Variants in CCDC171 observed in about 807,000 individuals in gnomAD.
The protein encoded by CCDC171 is coiled-coil domain-containing protein 171.
Under a neutral mutation model 168.2 loss-of-function variants are expected in CCDC171, and 177 were observed. That is an observed-to-expected ratio of 1.05 (90% CI 0.93 to 1.19). The LOEUF is 1.19. Ranked by LOEUF, CCDC171 falls within the 50% of genes most tolerant of loss-of-function variation. The pLI, the probability that CCDC171 is intolerant of heterozygous loss-of-function variation, is 0.00. For synonymous variants in CCDC171, 687 were observed against 540.8 expected (o/e 1.27, Z -3.75); for missense variants, 1,991 against 1,539.0 (o/e 1.29, Z -4.91).
chr9:15,727,302 G>C (rs1418020870), intron 14 of CCDC171, among the ~76,000 whole-genome samples: 1 of 152,154 alleles, frequency 6.6e-6, no homozygotes, highest in Non-Finnish European at 1.5e-5. Flanking sequence ...GCTTGGGATA[G>C]ATTTCCTATA....
At chr9:15,940,178 A>T (rs1275579975) in intron 25 of CCDC171, among the ~76,000 whole-genome samples, 1 of 151,922 alleles carries the variant, frequency 6.6e-6, no homozygotes, top group African/African-American at 2.4e-5. Flanking sequence ...GAAATAATGA[A>T]ATATATGTAA....
chr9:15,574,141 CTT>C (rs1433312929), intron 3 of CCDC171, among the ~76,000 whole-genome samples: 1 of 150,280 alleles, frequency 6.7e-6, no homozygotes, highest in Non-Finnish European at 1.5e-5. Flanking sequence ...TTTTCTTTCT[CTT>C]TTTCTTTTTT....
At chr9:15,797,343 A>G (rs374211436) in intron 21 of CCDC171, among the ~76,000 whole-genome samples, 2 of 152,180 alleles carry the variant, frequency 1.3e-5, no homozygotes, top group East Asian at 3.9e-4. Flanking sequence ...CAGCCTCTCA[A>G]GTAGCTAGGA....
In CCDC171 at chr9:15,891,929, C is replaced by T. The variant is rs758651318; in HGVS notation, c.3600+17266C>T. Among the ~76,000 whole-genome samples, 49 of 152,194 alleles carry T rather than the reference C, an allele frequency of 3.2e-4. No individual in the cohort carries two copies. The Middle Eastern group carries it at 0.014, about 42-fold the overall frequency. ...GCATGTATGCTGGGAGCCTATGGGA[C>T]GCATGAGGATGGGAAAGGGCCTGAA... On this transcript the variant is annotated intron_variant, in intron 24 of 25. Coordinates refer to ENST00000380701, the MANE Select transcript of CCDC171 (RefSeq NM_173550.4).
chr9:15,908,578 C>T (rs534614468), intron 24 of CCDC171, among the ~76,000 whole-genome samples: 3 of 152,270 alleles, frequency 2.0e-5, no homozygotes, highest in South Asian at 2.1e-4. Context: ...CTGGGTGCAG[C>T]ACACCTACAT....
At chr9:15,769,364 C>A (rs1379550806) in intron 18 of CCDC171, among the ~76,000 whole-genome samples, 1 of 151,964 alleles carries the variant, frequency 6.6e-6, no homozygotes, top group African/African-American at 2.4e-5. Context: ...GATCTCTTAA[C>A]CAGGGGTTCA....
At chr9:16,052,479 C>T (rs1833765671) in intron 1 of CCDC171, among the ~76,000 whole-genome samples, 1 of 152,110 alleles carries the variant, frequency 6.6e-6, no homozygotes, top group African/African-American at 2.4e-5. Flanking sequence ...AGCTCTTATG[C>T]CACACAAACT....
intron 6 of CCDC171, among the ~76,000 whole-genome samples, chr9:16,032,723 T>A (rs1417223631): frequency 6.6e-6 from 1 of 152,060 alleles, no homozygotes; most frequent in Non-Finnish European, 1.5e-5. Flanking sequence ...GCTCGAGTGA[T>A]CCTCCCACCT....
At chr9:15,790,324 A>T (rs1487278341) in intron 21 of CCDC171, among the ~76,000 whole-genome samples, 2 of 151,970 alleles carry the variant, frequency 1.3e-5, no homozygotes, top group East Asian at 3.9e-4. Context: ...TGTGGTTTTG[A>T]TTTGCATTTC....
intron 7 of CCDC171, among the ~76,000 whole-genome samples, chr9:15,634,355 G>A (rs926778661): frequency 2.6e-5 from 4 of 151,918 alleles, no homozygotes; most frequent in African/African-American, 7.3e-5. Context: ...TCTACAAAGG[G>A]ATATCTGCTA....
At chr9:15,911,086 G>C (rs549464501) in intron 24 of CCDC171, among the ~76,000 whole-genome samples, 52 of 152,158 alleles carry the variant, frequency 3.4e-4, no homozygotes, top group Non-Finnish European at 6.3e-4. Flanking sequence ...GGGTCAAATG[G>C]TATTTCTAGT....
At chr9:16,026,238 C>T (rs1443784439) in intron 6 of CCDC171, among the ~76,000 whole-genome samples, 1 of 152,126 alleles carries the variant, frequency 6.6e-6, no homozygotes, top group South Asian at 2.1e-4. Flanking sequence ...ACACCAGAGC[C>T]AGGGTCTCAA....
At chr9:15,883,189 CA>C in intron 24 of CCDC171, 1 of 206,586 alleles carries the variant, frequency 4.8e-6, no homozygotes, top group Non-Finnish European at 1.0e-5. Flanking sequence ...CCACCATACC[CA>C]GGTAATATTT....
At chr9:16,034,540 G>A (rs3008706) in intron 6 of CCDC171, among the ~76,000 whole-genome samples, 119 of 152,160 alleles carry the variant, frequency 7.8e-4, no homozygotes, top group African/African-American at 2.6e-3. Flanking sequence ...CCAAGGTTCA[G>A]TGTGGAGGTC....
At chr9:15,685,000 C>A (rs2050285811) in intron 10 of CCDC171, among the ~76,000 whole-genome samples, 1 of 152,150 alleles carries the variant, frequency 6.6e-6, no homozygotes. Context: ...ATTAAGGGAC[C>A]TTTAATCCTA....
intron 3 of CCDC171, among the ~76,000 whole-genome samples, chr9:15,983,815 A>T (rs1329802393): frequency 1.8e-4 from 22 of 124,510 alleles, no homozygotes; most frequent in African/African-American, 5.2e-4. Context: ...CTAAATAAAG[A>T]GAGTGTGTGT....
intron 3 of CCDC171, among the ~76,000 whole-genome samples, chr9:16,005,823 G>T (rs565233908): frequency 3.3e-5 from 5 of 152,234 alleles, no homozygotes; most frequent in South Asian, 2.1e-4. Context: ...AATCCCCCAT[G>T]GATATCAAGG....
intron 21 of CCDC171, among the ~76,000 whole-genome samples, chr9:15,837,512 C>T (rs1357995648): frequency 6.6e-6 from 1 of 152,166 alleles, no homozygotes; most frequent in African/African-American, 2.4e-5. Context: ...TATGTTACTT[C>T]CCCAGAATAT....
At chr9:15,948,612 C>A (rs567957670) in intron 25 of CCDC171, among the ~76,000 whole-genome samples, 1 of 152,186 alleles carries the variant, frequency 6.6e-6, no homozygotes, top group South Asian at 2.1e-4. Flanking sequence ...TTTTTGGCTG[C>A]ATAAATGTCT....
Sources: allele counts gnomAD v4.1 joint callset (sites outside exome capture counted in the v4.1 genomes callset), GRCh38; gene constraint gnomAD v4.1.1; transcripts MANE v1.5; gene names NCBI Gene and HGNC (gene_info 2026-07-23, HGNC 2026-07-21).